The following ACBD6 variants were observed in gnomAD, a reference collection of about 807,000 sequenced individuals.
ACBD6 encodes the protein acyl-CoA-binding domain-containing protein 6.
A neutral mutation model predicts 37.2 loss-of-function variants in ACBD6; 28 were observed. The observed-to-expected ratio is 0.75, with a 90% confidence interval of 0.56 to 1.03. The LOEUF (loss-of-function observed/expected upper bound fraction) is 1.03. ACBD6 is among the 50% of genes least tolerant of loss of function. The pLI is 0.00. For synonymous variants in ACBD6, 113 were observed against 126.8 expected, an observed-to-expected ratio of 0.89 and a Z score of 0.73; for missense variants, 340 against 337.4, an observed-to-expected ratio of 1.01 and a Z score of -0.06.
intron 6 of ACBD6, among the ~76,000 whole-genome samples, chr1:180,317,976 A>T (rs1650880052): frequency 6.6e-6 from 1 of 152,164 alleles, no homozygotes; most frequent in Non-Finnish European, 1.5e-5. Context: ...CAGCAGTTCC[A>T]GACCAGCCTG....
At chr1:180,397,161 T>C (rs1283001785) in intron 6 of ACBD6, among the ~76,000 whole-genome samples, 2 of 152,168 alleles carry the variant, frequency 1.3e-5, no homozygotes, top group East Asian at 3.8e-4. Context: ...CCTTCAAAAC[T>C]TTATGCTAAG....
At chr1:180,473,376 G>A (rs1650645909) in intron 3 of ACBD6, among the ~76,000 whole-genome samples, 1 of 150,434 alleles carries the variant, frequency 6.6e-6, no homozygotes, top group African/African-American at 2.4e-5. Context: ...GAACCCGGGA[G>A]GCGGAGCTTG....
At chr1:180,394,406 TTTG>T (rs959280111) in intron 6 of ACBD6, among the ~76,000 whole-genome samples, 4 of 151,086 alleles carry the variant, frequency 2.6e-5, no homozygotes, top group Admixed American at 1.3e-4. Flanking sequence ...TTTTTTTTTC[TTTG>T]TTGTTTTAAT....
chr1:180,282,723 T>C (rs193242536), intron 8 of ACBD6, among the ~76,000 whole-genome samples: 174 of 152,192 alleles, frequency 1.1e-3, no homozygotes, highest in African/African-American at 4.1e-3. Flanking sequence ...ACTACATTAC[T>C]GGTGGGCCAG....
At chr1:180,457,428 T>C (rs1022953858) in intron 3 of ACBD6, among the ~76,000 whole-genome samples, 1 of 152,172 alleles carries the variant, frequency 6.6e-6, no homozygotes, top group African/African-American at 2.4e-5. Flanking sequence ...TTCACCCAGA[T>C]AGTCCTACGG....
At position 180,493,279 on chromosome 1, in the gene ACBD6, C is replaced by G. The variant is rs200416010; in HGVS notation, c.288-914G>C. Among the ~76,000 whole-genome samples, 24 of 76,992 alleles carry G rather than the reference C, an allele frequency of 3.1e-4. 1 individual carries two copies. Among genetic ancestry groups the G allele is most frequent in the African/African-American group, 1.4e-3 (23 of 16,930 alleles). 50.5% of individuals were successfully genotyped at this position (76,992 alleles called of 152,430 possible). A position where few individuals can be genotyped will look rare whatever the true frequency, so the allele number is the denominator to read the frequency against. ...AAAAAAAAAAAAAAAAAAAAAAAAA[C>G]AACAACAGCAACTAAAGAATACTAA... On this transcript the variant is annotated intron_variant, in intron 2 of 7. Transcript: ENST00000367595.
chr1:180,361,688 C>A (rs1451480939), intron 6 of ACBD6, among the ~76,000 whole-genome samples: 1 of 152,076 alleles, frequency 6.6e-6, no homozygotes, highest in Non-Finnish European at 1.5e-5. Flanking sequence ...CCAAGCCATG[C>A]AGATAAATGC....
At chr1:180,413,636 C>A (rs147656746) in intron 4 of ACBD6, among the ~76,000 whole-genome samples, 165 bp from the exon 5 acceptor site, 1 of 152,194 alleles carries the variant, frequency 6.6e-6, no homozygotes, top group Non-Finnish European at 1.5e-5. Context: ...ATATCCAACT[C>A]CTGAAAAGAC....
intron 7 of ACBD6, among the ~76,000 whole-genome samples, chr1:180,295,288 T>TTTTTTA (rs1649874167): frequency 7.9e-6 from 1 of 126,912 alleles, no homozygotes; most frequent in African/African-American, 2.6e-5. Context: ...TTTTTTTTTT[T>TTTTTTA]GAGGCGGAGT....
At chr1:180,463,782 G>A (rs1358081592) in intron 3 of ACBD6, among the ~76,000 whole-genome samples, 2 of 152,136 alleles carry the variant, frequency 1.3e-5, no homozygotes, top group African/African-American at 2.4e-5. Context: ...CAATATCCTC[G>A]ATGAACATCA....
At chr1:180,470,271 A>C (rs1394492445) in intron 3 of ACBD6, among the ~76,000 whole-genome samples, 1 of 152,166 alleles carries the variant, frequency 6.6e-6, no homozygotes, top group Non-Finnish European at 1.5e-5. Flanking sequence ...AAGATAAAAA[A>C]CAGCAAAAAA....
chr1:180,313,927 G>A (rs1304565907), intron 7 of ACBD6, among the ~76,000 whole-genome samples: 1 of 152,150 alleles, frequency 6.6e-6, no homozygotes, highest in Non-Finnish European at 1.5e-5. Context: ...AGCTCTCTAA[G>A]AGCCATATTA....
At chr1:180,461,930 C>A (rs1421630675) in intron 3 of ACBD6, among the ~76,000 whole-genome samples, 1 of 152,020 alleles carries the variant, frequency 6.6e-6, no homozygotes, top group East Asian at 1.9e-4. Context: ...CATAACAATA[C>A]TAACCTTAAA....
At chr1:180,302,383 T>C (rs1427857410) in intron 7 of ACBD6, among the ~76,000 whole-genome samples, 2 of 152,114 alleles carry the variant, frequency 1.3e-5, no homozygotes, top group Non-Finnish European at 2.9e-5. Context: ...AAACCCTGCA[T>C]ATGAATCTGG....
chr1:180,338,027 G>A (rs564451711), intron 6 of ACBD6, among the ~76,000 whole-genome samples: 102 of 151,856 alleles, frequency 6.7e-4, no homozygotes, highest in African/African-American at 1.7e-3. Context: ...AAGAACAAGA[G>A]GATCCAAACA....
intron 6 of ACBD6, among the ~76,000 whole-genome samples, chr1:180,342,956 GTTGT>G (rs140437064): frequency 0.01 from 1,588 of 152,088 alleles, 34 homozygotes; most frequent in African/African-American, 0.035. Flanking sequence ...ACCAGAAAAG[GTTGT>G]TTGTCATGAT....
chr1:180,305,481 G>T (rs2149286242), intron 7 of ACBD6, among the ~76,000 whole-genome samples: 1 of 152,266 alleles, frequency 6.6e-6, no homozygotes, highest in East Asian at 1.9e-4. Context: ...CATTTATGCA[G>T]CCAAAAGACA....
intron 10 of ACBD6, chr1:180,274,282 G>C: frequency 6.2e-7 from 1 of 1,614,196 alleles, no homozygotes; most frequent in Non-Finnish European, 8.5e-7. Flanking sequence ...GCTTCTCCAT[G>C]GACGGGACAG....
chr1:180,388,188 A>AG (rs1653920380), intron 6 of ACBD6, among the ~76,000 whole-genome samples: 1 of 151,812 alleles, frequency 6.6e-6, no homozygotes, highest in African/African-American at 2.4e-5. Context: ...AAAAAAAAAA[A>AG]AAAAGAAAAA....
Sources: allele counts gnomAD v4.1 joint callset (sites outside exome capture counted in the v4.1 genomes callset), GRCh38; gene constraint gnomAD v4.1.1; transcripts MANE v1.5; gene names NCBI Gene and HGNC (gene_info 2026-07-23, HGNC 2026-07-21).